Variants in WWOX observed in about 807,000 individuals in gnomAD.
WWOX encodes the protein WW domain containing oxidoreductase.
Under a neutral mutation model 46.2 loss-of-function variants are expected in WWOX, and 69 were observed. That is an observed-to-expected ratio of 1.49 (90% CI 1.23 to 1.82). The LOEUF (loss-of-function observed/expected upper bound fraction) is 1.82. Among genes scored for constraint, WWOX ranks in the 40% most tolerant of loss-of-function variants. The pLI is 0.00. For missense variants in WWOX, 919 were observed against 542.6 expected, an observed-to-expected ratio of 1.69 and a Z score of -6.89; for synonymous variants, 359 against 202.6, an observed-to-expected ratio of 1.77 and a Z score of -6.56.
At chr16:79,060,667 A>C (rs141155228) in intron 8 of WWOX, among the ~76,000 whole-genome samples, 1 of 152,218 alleles carries the variant, frequency 6.6e-6, no homozygotes, top group Non-Finnish European at 1.5e-5. Flanking sequence ...TGTAAACCCA[A>C]TTACGAGCGG....
At chr16:78,798,985 C>A (rs2142642121) in intron 8 of WWOX, among the ~76,000 whole-genome samples, 1 of 152,188 alleles carries the variant, frequency 6.6e-6, no homozygotes, top group East Asian at 1.9e-4. Flanking sequence ...AATTCAGGAG[C>A]CGTAAACAAC....
At chr16:79,005,287 A>G (rs1359106107) in intron 8 of WWOX, among the ~76,000 whole-genome samples, 1 of 152,036 alleles carries the variant, frequency 6.6e-6, no homozygotes, top group Non-Finnish European at 1.5e-5. Context: ...TTCCTTGATG[A>G]CCCCTGGGAG....
chr16:78,255,748 A>G (rs1199311525), intron 5 of WWOX, among the ~76,000 whole-genome samples: 1 of 152,230 alleles, frequency 6.6e-6, no homozygotes, highest in Non-Finnish European at 1.5e-5. Context: ...CACAATAGCC[A>G]GACATTTTTC....
At chr16:78,433,890 C>A (rs1014768345) in intron 8 of WWOX, among the ~76,000 whole-genome samples, 2 of 147,664 alleles carry the variant, frequency 1.4e-5, no homozygotes, top group African/African-American at 5.0e-5. Flanking sequence ...CCCGGGTTCA[C>A]GCCATTCTCC....
intron 8 of WWOX, among the ~76,000 whole-genome samples, chr16:78,715,369 G>A (rs2048536618): frequency 6.6e-6 from 1 of 152,150 alleles, no homozygotes; most frequent in African/African-American, 2.4e-5. Flanking sequence ...TGATTCTCTA[G>A]GTTATTCATT....
At chr16:78,305,854 A>G (rs1326118945) in intron 5 of WWOX, among the ~76,000 whole-genome samples, 1 of 151,828 alleles carries the variant, frequency 6.6e-6, no homozygotes, top group African/African-American at 2.4e-5. Context: ...GCCAACTCTC[A>G]TTTTTTCTTT....
intron 8 of WWOX, among the ~76,000 whole-genome samples, chr16:78,705,642 A>G (rs1183758155): frequency 1.3e-5 from 2 of 152,242 alleles, no homozygotes; most frequent in East Asian, 3.8e-4. Context: ...CTGATGTTGT[A>G]GCTGTATGAT....
intron 8 of WWOX, among the ~76,000 whole-genome samples, chr16:79,095,168 G>C (rs977894431): frequency 6.6e-6 from 1 of 152,158 alleles, no homozygotes; most frequent in Admixed American, 6.6e-5. Context: ...ATTTTTGCTG[G>C]AGAAAGAGCT....
At chr16:78,809,481 C>G (rs774097306) in intron 8 of WWOX, among the ~76,000 whole-genome samples, 27 of 152,166 alleles carry the variant, frequency 1.8e-4, no homozygotes, top group South Asian at 4.2e-4. Flanking sequence ...AGTTGAAGCC[C>G]ATCCCTCTAC....
intron 8 of WWOX, among the ~76,000 whole-genome samples, chr16:79,064,093 G>C (rs930141654): frequency 2.0e-5 from 3 of 152,230 alleles, no homozygotes; most frequent in Admixed American, 2.0e-4. Flanking sequence ...AACATGTCTA[G>C]TGTTTATGTA....
chr16:78,359,460 T>C (rs1262349702), intron 5 of WWOX, among the ~76,000 whole-genome samples: 2 of 152,144 alleles, frequency 1.3e-5, no homozygotes, highest in Non-Finnish European at 2.9e-5. Context: ...TTAGAAAACA[T>C]ATAAAGGATC....
intron 8 of WWOX, among the ~76,000 whole-genome samples, chr16:78,888,725 G>C (rs1055568311): frequency 2.0e-5 from 3 of 152,168 alleles, no homozygotes; most frequent in East Asian, 1.9e-4. Context: ...ACACAGACTA[G>C]ACAACGAAAT....
chr16:79,186,771 C>T (rs949389669), intron 8 of WWOX, among the ~76,000 whole-genome samples: 9 of 152,078 alleles, frequency 5.9e-5, no homozygotes, highest in African/African-American at 2.2e-4. Context: ...TTTCTCCAAT[C>T]CTCACGCTAG....
At chr16:78,209,991 A>T (rs2036507629) in intron 5 of WWOX, among the ~76,000 whole-genome samples, 1 of 152,176 alleles carries the variant, frequency 6.6e-6, no homozygotes, top group Non-Finnish European at 1.5e-5. Flanking sequence ...AAACAGCAGA[A>T]TGTTATTCAG....
intron 8 of WWOX, among the ~76,000 whole-genome samples, chr16:78,649,961 T>C (rs76162112): frequency 0.049 from 7,379 of 151,724 alleles, 251 homozygotes; most frequent in Non-Finnish European, 0.074. Context: ...ATTTCTCTTA[T>C]CTGTAATTCT....
chr16:78,204,833 A>G (rs986598343), intron 5 of WWOX, among the ~76,000 whole-genome samples: 1 of 152,092 alleles, frequency 6.6e-6, no homozygotes, highest in Non-Finnish European at 1.5e-5. Context: ...GCAAAGTTAG[A>G]CCCTGTTGAT....
chr16:78,501,006 C>A (rs1029588297), intron 8 of WWOX, among the ~76,000 whole-genome samples: 1 of 152,112 alleles, frequency 6.6e-6, no homozygotes, highest in Non-Finnish European at 1.5e-5. Flanking sequence ...ATATGTTTCA[C>A]TTTGCTGGGG....
intron 8 of WWOX, among the ~76,000 whole-genome samples, chr16:78,835,179 A>T (rs1451161470): frequency 6.6e-6 from 1 of 152,282 alleles, no homozygotes; most frequent in Middle Eastern, 3.4e-3. Flanking sequence ...TCATTATCCA[A>T]CATTAGCTGT....
At chr16:78,728,039 C>G (rs1327546342) in intron 8 of WWOX, among the ~76,000 whole-genome samples, 1 of 137,338 alleles carries the variant, frequency 7.3e-6, no homozygotes, top group Non-Finnish European at 1.6e-5. Context: ...CTTCCTCTTT[C>G]CTCTCTCCCT....
Sources: gnomAD v4.1 joint callset for allele counts (sites outside exome capture counted in the v4.1 genomes callset) on GRCh38, gnomAD v4.1.1 for gene constraint, MANE v1.5 for transcripts, NCBI Gene and HGNC (gene_info 2026-07-23, HGNC 2026-07-21) for gene names.